RANBP10: variants seen among roughly 807,000 people sequenced by gnomAD.
RANBP10 encodes ran-binding protein 10.
RANBP10 carries 24 observed loss-of-function variants against 72.8 expected under a neutral mutation model. The ratio of observed to expected loss-of-function variants is 0.33; its 90% CI spans 0.24 to 0.46. RANBP10 has a LOEUF of 0.46. RANBP10 is among the 20% of genes least tolerant of loss of function. The pLI, the probability that RANBP10 is intolerant of heterozygous loss-of-function variation, is 1.00. For synonymous variants in RANBP10, 310 were observed against 322.3 expected (o/e 0.96, Z 0.41); for missense variants, 679 against 817.5 (o/e 0.83, Z 2.07).
intron 3 of RANBP10, among the ~76,000 whole-genome samples, chr16:67,771,277 TAAAG>T (rs1429230453): frequency 6.6e-6 from 1 of 151,928 alleles, no homozygotes; most frequent in East Asian, 1.9e-4. Context: ...AAATAAAAAA[TAAAG>T]AAAAGAAATT....
chr16:67,798,817 A>C (rs9937688), intron 2 of RANBP10, among the ~76,000 whole-genome samples: 4,968 of 152,264 alleles, frequency 0.033, 228 homozygotes, highest in African/African-American at 0.1. Context: ...AGACTGGCAG[A>C]GTCTCTTCTT....
Position 67,724,852 on chromosome 16 carries a change from G to A in RANBP10, c.*1576C>T, listed in dbSNP as rs1317471884. 1.3e-5 allele frequency: 2 copies of A among 152,350 alleles called. No individual in the cohort carries two copies. The highest frequency in any genetic ancestry group is 2.4e-5 in the African/African-American group (1 of 41,462). The allele number at this position is 152,350 out of a possible 1,614,324, so 9.4% of individuals were successfully genotyped here. A position where few individuals can be genotyped will look rare whatever the true frequency, so the allele number is the denominator to read the frequency against. The stretch of plus-strand genomic sequence containing the variant: ...GACTGAAAGTTCAACTTCCGGCCTT[G>A]CCATGGCTGACCCTACTCTTTGCAT... On this transcript the variant is annotated 3_prime_UTR_variant, in exon 14 of 14. Transcript: ENST00000317506.
intron 3 of RANBP10, among the ~76,000 whole-genome samples, chr16:67,744,680 G>A (rs949042423): frequency 3.3e-5 from 5 of 152,204 alleles, no homozygotes; most frequent in Admixed American, 6.5e-5. Context: ...CCCATGCTGC[G>A]GTTAACAGGA....
In RANBP10 at chr16:67,805,518, T is replaced by A. The variant is rs780755004; in HGVS notation, c.257A>T (p.Asp86Val). 1 of 1,614,060 alleles carries A rather than the reference T, an allele frequency of 6.2e-7. No homozygotes were observed. The highest frequency in any genetic ancestry group is 8.5e-7 in the Non-Finnish European group (1 of 1,180,000). The change falls in exon 2 of 14, where the codon GAT becomes GTT. Residue 86 changes from aspartate to valine, a missense_variant. Asp to Val is a radical substitution (Grantham distance 152). Coordinates refer to ENST00000317506, the MANE Select transcript of RANBP10 (RefSeq NM_020850.3). ...GTGGGTGGCACGCACTGAGGCCGCA[T>A]CTTTGTGATTTTTGCCATGACCTAA... The part of the protein sequence containing the change: ...HYKGHGKNHK[D>V]AASVRATHPI...
chr16:67,737,986 A>T, intron 5 of RANBP10, 27 bp downstream of exon 5: 1 of 1,577,494 alleles, frequency 6.3e-7, no homozygotes, highest in South Asian at 1.2e-5. Flanking sequence ...GAAACCCAGG[A>T]GGGGAAGACT....
Position 67,805,482 on chromosome 16 carries a change from G to C in RANBP10, c.293C>G (p.Ala98Gly). The stretch of plus-strand genomic sequence containing the variant: ...TTCAAAGTAATAAATGCCACAGGCA[G>C]CAGGTATGGGGTGGGTGGCACGCAC... ...ASVRATHPIP[A>G]ACGIYYFEVK... Residue 98 changes from alanine (A) to glycine (G), a missense_variant, in exon 2 of 14, where the codon GCT becomes GGT. Coordinates refer to ENST00000317506, the MANE Select transcript of RANBP10 (RefSeq NM_020850.3). The C allele has an allele frequency of 6.2e-7, 1 of 1,614,156 alleles. No individual in the cohort carries two copies.
chr16:67,750,971 T>C (rs2054184321), intron 3 of RANBP10, among the ~76,000 whole-genome samples: 1 of 152,082 alleles, frequency 6.6e-6, no homozygotes, highest in African/African-American at 2.4e-5. Context: ...TTTCACTGTG[T>C]TAGCCAGGAT....
At chr16:67,733,525 T>C (rs185797220) in intron 6 of RANBP10, among the ~76,000 whole-genome samples, 23 of 152,336 alleles carry the variant, frequency 1.5e-4, no homozygotes, top group Non-Finnish European at 3.1e-4. Context: ...GCCAAAAGGC[T>C]TGTGACAAAT....
intron 2 of RANBP10, among the ~76,000 whole-genome samples, chr16:67,798,168 T>G (rs2055168171): frequency 1.3e-5 from 2 of 152,104 alleles, no homozygotes; most frequent in South Asian, 2.1e-4. Flanking sequence ...GCTCAGCATC[T>G]GCCTGTAAGA....
At chr16:67,787,916 G>A (rs937967786) in intron 2 of RANBP10, among the ~76,000 whole-genome samples, 3 of 152,064 alleles carry the variant, frequency 2.0e-5, no homozygotes, top group African/African-American at 7.2e-5. Context: ...TTGGCTCACT[G>A]CAACCTCCAC....
At chr16:67,734,831 GGGTAA>G (rs1354712906) in intron 6 of RANBP10, 22 bp downstream of exon 6, 2 of 1,531,888 alleles carry the variant, frequency 1.3e-6, no homozygotes, top group Admixed American at 3.8e-5. Context: ...GGGTGGGAGT[GGGTAA>G]GGGCAGGAGC....
chr16:67,748,148 C>G (rs571427741), intron 3 of RANBP10, among the ~76,000 whole-genome samples: 1 of 151,664 alleles, frequency 6.6e-6, no homozygotes, highest in East Asian at 2.0e-4. Context: ...TAATGCCTTT[C>G]GAAGGTGGGC....
chr16:67,759,235 G>A (rs969397615), intron 3 of RANBP10, among the ~76,000 whole-genome samples: 4 of 152,198 alleles, frequency 2.6e-5, no homozygotes, highest in African/African-American at 7.2e-5. Flanking sequence ...ATGTGCCAGG[G>A]GTCTCTCGGA....
At position 67,730,631 on chromosome 16, in the gene RANBP10, C is replaced by G. The variant is rs764215695; in HGVS notation, c.890-585G>C. ...CTTGCTGCTGCCTTTTCGCTCTTGC[C>G]GTGGGGCCTGGTGCATCTCGCTGGG... is the stretch of plus-strand genomic sequence containing the variant. On this transcript the variant is annotated intron_variant, in intron 7 of 13. Coordinates refer to ENST00000317506, the MANE Select transcript of RANBP10 (RefSeq NM_020850.3). This position sits in a 1 kb window ranked among gnomAD's most constrained non-coding sequence, Gnocchi z 4.3. Among the ~76,000 whole-genome samples, 1 of 152,158 alleles carries G rather than the reference C, an allele frequency of 6.6e-6. No individual in the cohort carries two copies. Among genetic ancestry groups the G allele is most frequent in the Non-Finnish European group, 1.5e-5 (1 of 68,022 alleles).
chr16:67,755,603 G>A (rs1358119500), intron 3 of RANBP10, among the ~76,000 whole-genome samples: 1 of 149,010 alleles, frequency 6.7e-6, no homozygotes, highest in East Asian at 2.0e-4. Flanking sequence ...AGAATTGCTT[G>A]AACCTGGGAG....
intron 6 of RANBP10, among the ~76,000 whole-genome samples, chr16:67,732,928 C>T (rs1314140413): frequency 6.6e-6 from 1 of 151,506 alleles, no homozygotes; most frequent in African/African-American, 2.4e-5. Context: ...GTGGCGGGCA[C>T]CTGTAGTCCC....
chr16:67,770,013 C>G (rs2054580612), intron 3 of RANBP10, among the ~76,000 whole-genome samples: 3 of 151,730 alleles, frequency 2.0e-5, no homozygotes, highest in Admixed American at 1.3e-4. Context: ...TGCAGTGAGC[C>G]ATGATCATGC....
At position 67,726,394 on chromosome 16, in the gene RANBP10, T is replaced by G. The variant is rs767435749; in HGVS notation, c.*34A>C. 3.0e-5 allele frequency: 49 copies of G among 1,609,776 alleles called. No individual in the cohort carries two copies. Among genetic ancestry groups the G allele is most frequent in the Admixed American group, 5.0e-5 (3 of 59,808 alleles). ...AGGGCAGCTCCAGCCCTGGGGCCAG[T>G]GGAGGGCCAGCCAGAGCCAGCCAGC... is the stretch of plus-strand genomic sequence containing the variant. On this transcript the variant is annotated 3_prime_UTR_variant, in exon 14 of 14. Coordinates refer to ENST00000317506, the MANE Select transcript of RANBP10 (RefSeq NM_020850.3).
chr16:67,765,199 C>CAAAAAAAAAAAA (rs569942198), intron 3 of RANBP10, among the ~76,000 whole-genome samples: 1 of 11,650 alleles, frequency 8.6e-5, no homozygotes. Flanking sequence ...GACTCCATCT[C>CAAAAAAAAAAAA]AAAAAAAAAA....
Sources: gnomAD v4.1 joint callset for allele counts (sites outside exome capture counted in the v4.1 genomes callset) on GRCh38, gnomAD v4.1.1 for gene constraint, Gnocchi (gnomAD v3.1) non-coding constraint, MANE v1.5 for transcripts, NCBI Gene and HGNC (gene_info 2026-07-23, HGNC 2026-07-21) for gene names.